The following VPS8 variants were observed in gnomAD, a reference collection of about 807,000 sequenced individuals.
VPS8 encodes vacuolar protein sorting-associated protein 8 homolog.
A neutral mutation model predicts 216.4 loss-of-function variants in VPS8; 129 were observed. The observed-to-expected ratio is 0.60, with a 90% CI of 0.52 to 0.69. The LOEUF (loss-of-function observed/expected upper bound fraction) is 0.69. Among genes scored for constraint, VPS8 ranks in the 30% least tolerant of loss-of-function variants. The probability of loss-of-function intolerance (pLI) is 0.00; values close to 1 mark genes in which losing one functional copy is unlikely to be tolerated. For synonymous variants in VPS8, 571 were observed against 565.4 expected, an observed-to-expected ratio of 1.01 and a Z score of -0.14; for missense variants, 1,531 against 1,683.5, an observed-to-expected ratio of 0.91 and a Z score of 1.59.
intron 16 of VPS8, among the ~76,000 whole-genome samples, chr3:184,865,475 A>G (rs1406081202): frequency 1.3e-5 from 2 of 152,260 alleles, no homozygotes; most frequent in Non-Finnish European, 2.9e-5. Flanking sequence ...AGAAGTGGAC[A>G]GTGAGCACTT....
In VPS8 at chr3:184,855,828, A is replaced by C; in HGVS notation, c.1143+10A>C. On this transcript the variant is annotated intron_variant, in intron 14 of 47. Transcript: ENST00000625842. Reference sequence around the variant, plus strand: ...TGTTCATTTTCTATTGGTAAGTCCTAATATGACCATTAGAAAGCCTCTTAC... The same window carrying C: ...TGTTCATTTTCTATTGGTAAGTCCTCATATGACCATTAGAAAGCCTCTTAC... 6.3e-7 allele frequency: 1 copy of C among 1,585,344 alleles called. No homozygotes were observed. Among genetic ancestry groups the C allele is most frequent in the African/African-American group, 1.4e-5 (1 of 72,986 alleles).
chr3:184,840,853 G>T (rs554136643), intron 7 of VPS8, among the ~76,000 whole-genome samples: 8 of 152,224 alleles, frequency 5.3e-5, no homozygotes, highest in African/African-American at 1.7e-4. Flanking sequence ...GGAATCTACA[G>T]ACTTCTATAT....
intron 37 of VPS8, among the ~76,000 whole-genome samples, chr3:184,962,728 T>A (rs1576996878): frequency 3.6e-4 from 1 of 2,746 alleles, no homozygotes; most frequent in African/African-American, 4.0e-4. Flanking sequence ...GGCTTAAGTG[T>A]GTGTGTGTGT....
chr3:184,842,166 G>A (rs1341251623), intron 7 of VPS8, among the ~76,000 whole-genome samples: 49 of 101,568 alleles, frequency 4.8e-4, no homozygotes, highest in African/African-American at 1.9e-3. Flanking sequence ...CAGCCTGGGT[G>A]ACAGAGCGAG....
intron 38 of VPS8, among the ~76,000 whole-genome samples, chr3:184,965,056 A>G (rs1747163105): frequency 6.6e-6 from 1 of 152,208 alleles, no homozygotes; most frequent in East Asian, 1.9e-4. Context: ...GCTACCAGCA[A>G]CACTCAGGGG....
chr3:184,862,315 A>AT (rs1726533270), intron 15 of VPS8, among the ~76,000 whole-genome samples: 1 of 152,224 alleles, frequency 6.6e-6, no homozygotes, highest in African/African-American at 2.4e-5. Flanking sequence ...CCTTCAGAAG[A>AT]TTTTTAAAGT....
At chr3:184,982,206 T>G (rs1488846419) in intron 40 of VPS8, among the ~76,000 whole-genome samples, 1 of 152,156 alleles carries the variant, frequency 6.6e-6, no homozygotes, top group African/African-American at 2.4e-5. Flanking sequence ...TGATAAATTT[T>G]TAATAGAGTA....
intron 46 of VPS8, among the ~76,000 whole-genome samples, chr3:185,043,598 G>A (rs1712183367): frequency 6.6e-6 from 1 of 152,204 alleles, no homozygotes; most frequent in African/African-American, 2.4e-5. Flanking sequence ...TATGTGAAAT[G>A]TCTCACTGCA....
At chr3:184,968,569 T>G (rs563518389) in intron 39 of VPS8, among the ~76,000 whole-genome samples, 2 of 152,332 alleles carry the variant, frequency 1.3e-5, no homozygotes, top group East Asian at 3.9e-4. Context: ...ATAGTAGCTA[T>G]CCATATGTGT....
chr3:184,957,894 C>A (rs951042659), intron 37 of VPS8, among the ~76,000 whole-genome samples: 4 of 152,150 alleles, frequency 2.6e-5, no homozygotes. Flanking sequence ...AGCTGTGTTC[C>A]CAGATTCCTC....
chr3:184,832,775 A>C lies in VPS8; in HGVS notation c.309A>C (p.Ser103=). The part of the protein sequence containing the change: ...DTIDSHSYDT[S]SVASSDSGDR... ...TTGATTCTCACTCCTATGATACTTC[A>C]TCTGTGGCAAGCTCAGATAGTGGTG... Residue 103 remains serine, a synonymous_variant, in exon 4 of 48, where the codon TCA becomes TCC. Transcript: ENST00000625842. 6.2e-7 allele frequency: 1 copy of C among 1,610,248 alleles called. No individual in the cohort carries two copies. Among genetic ancestry groups the C allele is most frequent in the East Asian group, 2.2e-5 (1 of 44,828 alleles).
rs749587897 is a variant in VPS8 at position 184,994,072 on chromosome 3, G to A, written c.3666+9G>A. Reference sequence around the variant, plus strand: ...CCTTTAACTATGAACAAGTAAGTAAGCTACTTGTTACATCTAAGTCTGTCC... The same window carrying A: ...CCTTTAACTATGAACAAGTAAGTAAACTACTTGTTACATCTAAGTCTGTCC... On this transcript the variant is annotated intron_variant, in intron 43 of 47. Coordinates refer to ENST00000625842, the MANE Select transcript of VPS8 (RefSeq NM_001009921.3). 6.6e-7 allele frequency: 1 copy of A among 1,519,206 alleles called. No individual in the cohort carries two copies. The highest frequency in any genetic ancestry group is 1.3e-5 in the South Asian group (1 of 76,424). The allele number at this position is 1,519,206 out of a possible 1,614,324, so 94.1% of individuals were successfully genotyped here.
intron 15 of VPS8, among the ~76,000 whole-genome samples, chr3:184,860,361 A>G (rs1726065050): frequency 6.6e-6 from 1 of 150,954 alleles, no homozygotes; most frequent in Non-Finnish European, 1.5e-5. Flanking sequence ...AAAAAAAAGT[A>G]TATGTGTGTG....
At chr3:185,015,829 A>G (rs552685056) in intron 45 of VPS8, among the ~76,000 whole-genome samples, 2 of 152,270 alleles carry the variant, frequency 1.3e-5, no homozygotes, top group African/African-American at 4.8e-5. Context: ...CCCATTTCCT[A>G]TCATAGTAGC....
intron 38 of VPS8, among the ~76,000 whole-genome samples, chr3:184,965,876 T>C (rs886787501): frequency 1.3e-5 from 2 of 152,160 alleles, no homozygotes; most frequent in African/African-American, 4.8e-5. Context: ...TGAGAAGTTA[T>C]TGATCATTTG....
chr3:184,862,569 G>A (rs1367761211), intron 15 of VPS8, among the ~76,000 whole-genome samples: 2 of 152,184 alleles, frequency 1.3e-5, no homozygotes, highest in African/African-American at 4.8e-5. Flanking sequence ...TAGAAATGCA[G>A]AGTTTGTCAT....
intron 10 of VPS8, among the ~76,000 whole-genome samples, chr3:184,850,966 C>T (rs1280696833): frequency 6.6e-6 from 1 of 152,218 alleles, no homozygotes; most frequent in Middle Eastern, 3.2e-3. Flanking sequence ...GTATCTTGAC[C>T]TCTTTTCATA....
At chr3:184,980,567 G>T (rs1297575156) in intron 40 of VPS8, among the ~76,000 whole-genome samples, 1 of 151,706 alleles carries the variant, frequency 6.6e-6, no homozygotes, top group Non-Finnish European at 1.5e-5. Context: ...TGAAGAACTG[G>T]TCTTTAACCT....
intron 7 of VPS8, 54 bp from the exon 8 acceptor site, chr3:184,843,186 C>A: frequency 7.4e-7 from 1 of 1,353,456 alleles, no homozygotes; most frequent in Non-Finnish European, 9.8e-7. Flanking sequence ...AACTTTTGAA[C>A]TGATTTCTTG....
Sources: gnomAD v4.1 joint callset for allele counts (sites outside exome capture counted in the v4.1 genomes callset) on GRCh38, gnomAD v4.1.1 for gene constraint, MANE v1.5 for transcripts, NCBI Gene and HGNC (gene_info 2026-07-23, HGNC 2026-07-21) for gene names.